SFRP1: variants seen among roughly 807,000 people sequenced by gnomAD.
SFRP1 encodes secreted frizzled-related protein 1.
A neutral mutation model predicts 25.9 loss-of-function variants in SFRP1; 9 were observed. The observed-to-expected ratio is 0.35, with a 90% CI of 0.21 to 0.61. SFRP1 has a LOEUF of 0.61. Ranked by LOEUF, SFRP1 falls within the 20% of genes least tolerant of loss-of-function variation. The pLI is 0.78. For missense variants in SFRP1, 346 were observed against 418.2 expected, an observed-to-expected ratio of 0.83 and a Z score of 1.51; for synonymous variants, 178 against 174.0, an observed-to-expected ratio of 1.02 and a Z score of -0.18.
In SFRP1 at chr8:41,262,488, C is replaced by T. The variant is rs1803387435; in HGVS notation, c.*2679G>A. On this transcript the variant is annotated 3_prime_UTR_variant, in exon 3 of 3. Transcript: ENST00000220772. ...GATGCTAACCCACAGGTACCAAGAGCCAAGTGTTACACAGGATATTTTAAA... is the reference window on the plus strand; with the variant it reads ...GATGCTAACCCACAGGTACCAAGAGTCAAGTGTTACACAGGATATTTTAAA... The T allele has an allele frequency of 6.6e-6, 1 of 152,174 alleles. No homozygotes were observed. The highest frequency in any genetic ancestry group is 2.1e-4 in the South Asian group (1 of 4,836). 9.4% of individuals were successfully genotyped at this position (152,174 alleles called of 1,614,324 possible). A position where few individuals can be genotyped will look rare whatever the true frequency, so the allele number is the denominator to read the frequency against.
At chr8:41,295,096 C>A (rs1803825716) in intron 2 of SFRP1, among the ~76,000 whole-genome samples, 1 of 152,234 alleles carries the variant, frequency 6.6e-6, no homozygotes, top group Non-Finnish European at 1.5e-5. Context: ...AGTGCAGTGG[C>A]TCACGCCTGG....
At chr8:41,283,859 G>A (rs780171272) in intron 2 of SFRP1, among the ~76,000 whole-genome samples, 5 of 152,060 alleles carry the variant, frequency 3.3e-5, no homozygotes, top group South Asian at 4.1e-4. Flanking sequence ...CACCACGCCC[G>A]GCCAAACTCC....
At chr8:41,268,774 C>T (rs948314105) in intron 2 of SFRP1, among the ~76,000 whole-genome samples, 2 of 152,184 alleles carry the variant, frequency 1.3e-5, no homozygotes, top group Non-Finnish European at 2.9e-5. Context: ...TGATGCATCC[C>T]GGGGCTGCTG....
intron 2 of SFRP1, among the ~76,000 whole-genome samples, chr8:41,276,438 A>G (rs1803573086): frequency 2.0e-5 from 3 of 152,178 alleles, no homozygotes; most frequent in Admixed American, 2.0e-4. Context: ...GATAAGTCCT[A>G]CTGACAATGG....
Position 41,279,775 on chromosome 8 carries a change from CA to C in SFRP1, c.623-14287del, listed in dbSNP as rs34101728. ...GTTCCAAAGTACAAAGCTAAGAAAG[CA>C]AAAAAAAAAAAAAACCTATGTCCAA... On this transcript the variant is annotated intron_variant, in intron 2 of 2. Coordinates refer to ENST00000220772, the MANE Select transcript of SFRP1 (RefSeq NM_003012.5). Among the ~76,000 whole-genome samples the C allele has an allele frequency of 9.0e-3, 996 of 111,238 alleles. 10 individuals carry two copies. Among genetic ancestry groups the C allele is most frequent in the African/African-American group, 0.015 (521 of 34,194 alleles). 73.0% of individuals were successfully genotyped at this position (111,238 alleles called of 152,430 possible).
At chr8:41,302,428 G>T (rs1003210448) in intron 2 of SFRP1, among the ~76,000 whole-genome samples, 1 of 152,198 alleles carries the variant, frequency 6.6e-6, no homozygotes, top group African/African-American at 2.4e-5. Context: ...TACCATGTTC[G>T]ATTAATGAAA....
intron 2 of SFRP1, among the ~76,000 whole-genome samples, chr8:41,270,396 TAAAAGGGAGAAGAAAAGCTA>T (rs1482218994): frequency 1.3e-5 from 2 of 151,992 alleles, no homozygotes; most frequent in Non-Finnish European, 2.9e-5. Context: ...GAATCTGGCT[TAAAAGGGAGAAGAAAAGCTA>T]AAATGCAGAT....
chr8:41,287,411 C>T (rs1235437236), intron 2 of SFRP1, among the ~76,000 whole-genome samples: 2 of 152,228 alleles, frequency 1.3e-5, no homozygotes, highest in Non-Finnish European at 1.5e-5. Context: ...ATGCTGGCAT[C>T]GGCTCGGAGG....
intron 2 of SFRP1, among the ~76,000 whole-genome samples, chr8:41,267,631 G>A (rs1803453506): frequency 6.6e-6 from 1 of 152,180 alleles, no homozygotes; most frequent in Admixed American, 6.5e-5. Flanking sequence ...CAGAACATGT[G>A]CTAAGTATTT....
At chr8:41,277,313 T>C (rs1248384949) in intron 2 of SFRP1, among the ~76,000 whole-genome samples, 2 of 152,018 alleles carry the variant, frequency 1.3e-5, no homozygotes, top group Non-Finnish European at 1.5e-5. Flanking sequence ...GAATCTTGGC[T>C]CTGAGTCCAG....
In SFRP1 at chr8:41,298,571, T is replaced by A. The variant is rs1271101368; in HGVS notation, c.622+4890A>T. On this transcript the variant is annotated intron_variant, in intron 2 of 2. Coordinates refer to ENST00000220772, the MANE Select transcript of SFRP1 (RefSeq NM_003012.5). Reference sequence around the variant, plus strand: ...ACAGGTGCATGACACCATGCCCAGTTAATATTTAATTTTTAATGGGGATGG... The same window carrying A: ...ACAGGTGCATGACACCATGCCCAGTAAATATTTAATTTTTAATGGGGATGG... Among the ~76,000 whole-genome samples the A allele has an allele frequency of 2.0e-5, 3 of 152,172 alleles. No individual in the cohort carries two copies. In the East Asian group the frequency reaches 5.8e-4, roughly 29 times the overall value.
intron 2 of SFRP1, among the ~76,000 whole-genome samples, chr8:41,297,104 G>A (rs889596045): frequency 2.0e-5 from 3 of 152,222 alleles, no homozygotes; most frequent in African/African-American, 7.2e-5. Flanking sequence ...GAGTGCAGCA[G>A]CGCAATCTCA....
chr8:41,270,222 C>T (rs932900984), intron 2 of SFRP1, among the ~76,000 whole-genome samples: 6 of 152,126 alleles, frequency 3.9e-5, no homozygotes, highest in Non-Finnish European at 5.9e-5. Flanking sequence ...CTTGCAGGCA[C>T]GCTAGCCACA....
intron 2 of SFRP1, among the ~76,000 whole-genome samples, chr8:41,280,255 G>GACAATGT (rs1254256859): frequency 7.9e-5 from 12 of 152,366 alleles, no homozygotes; most frequent in African/African-American, 2.9e-4. Context: ...CCAGTGAGAT[G>GACAATGT]ACAATGTACA....
In SFRP1 at chr8:41,286,357, C is replaced by T. The variant is rs1244559071; in HGVS notation, c.622+17104G>A. On this transcript the variant is annotated intron_variant, in intron 2 of 2. Coordinates refer to ENST00000220772, the MANE Select transcript of SFRP1 (RefSeq NM_003012.5). The stretch of plus-strand genomic sequence containing the variant: ...CAGGGGCGGTTCCCGCTCAACCTTC[C>T]CACCGCCTCCCCCGCCGCACAAACA... Among the ~76,000 whole-genome samples the T allele has an allele frequency of 2.0e-5, 3 of 152,338 alleles. No homozygotes were observed. In the East Asian group the frequency reaches 5.8e-4, roughly 29 times the overall value.
intron 2 of SFRP1, among the ~76,000 whole-genome samples, chr8:41,273,479 CA>C (rs528467030): frequency 3.4e-4 from 48 of 142,266 alleles, no homozygotes; most frequent in South Asian, 6.7e-4. Context: ...GCCTCTGTCT[CA>C]AAAAAAAAAG....
chr8:41,287,201 A>G (rs941336389), intron 2 of SFRP1, among the ~76,000 whole-genome samples: 2 of 152,218 alleles, frequency 1.3e-5, no homozygotes, highest in Admixed American at 1.3e-4. Context: ...GCAGTCCTAA[A>G]AGGTGGACAT....
At position 41,307,135 on chromosome 8, in the gene SFRP1, G is replaced by A. The variant is rs535687937; in HGVS notation, c.544+1481C>T. 111 of 811,742 alleles carry A rather than the reference G, an allele frequency of 1.4e-4. No individual in the cohort carries two copies. The East Asian group carries it at 3.7e-3, about 27-fold the overall frequency. The allele number at this position is 811,742 out of a possible 1,614,324, so 50.3% of individuals were successfully genotyped here. ...GAAATTCCCGCAGGCTGCAGGGGAT[G>A]GGTGCAAGCCAACAGAACACAAGGC... On this transcript the variant is annotated intron_variant, in intron 1 of 2. Coordinates refer to ENST00000220772, the MANE Select transcript of SFRP1 (RefSeq NM_003012.5).
intron 2 of SFRP1, among the ~76,000 whole-genome samples, chr8:41,299,729 C>G (rs943178060): frequency 1.3e-5 from 2 of 150,974 alleles, no homozygotes; most frequent in Admixed American, 1.3e-4. Flanking sequence ...ATACAGTCAG[C>G]TGACAAACTT....
Sources: allele counts gnomAD v4.1 joint callset (sites outside exome capture counted in the v4.1 genomes callset), GRCh38; gene constraint gnomAD v4.1.1; transcripts MANE v1.5; gene names NCBI Gene and HGNC (gene_info 2026-07-23, HGNC 2026-07-21).